Variants in GRID2 observed in about 807,000 individuals in gnomAD.
GRID2 encodes glutamate ionotropic receptor delta type subunit 2, also known as glutamate receptor ionotropic, delta-2.
A neutral mutation model predicts 114.8 loss-of-function variants in GRID2; 33 were observed. The ratio of observed to expected loss-of-function variants is 0.29; its 90% confidence interval spans 0.22 to 0.38. The LOEUF (loss-of-function observed/expected upper bound fraction) is 0.38. Among genes scored for constraint, GRID2 ranks in the 10% least tolerant of loss-of-function variants. The probability of loss-of-function intolerance (pLI) is 1.00; values close to 1 mark genes in which losing one functional copy is unlikely to be tolerated. For synonymous variants in GRID2, 505 were observed against 449.9 expected (o/e 1.12, Z -1.55); for missense variants, 1,184 against 1,257.7 (o/e 0.94, Z 0.89).
At chr4:93,605,153 A>T (rs922427479) in intron 13 of GRID2, among the ~76,000 whole-genome samples, 1 of 152,212 alleles carries the variant, frequency 6.6e-6, no homozygotes, top group Non-Finnish European at 1.5e-5. Flanking sequence ...AGGAACAAAT[A>T]TCTTCAAATT....
chr4:92,776,214 T>C (rs986453652), intron 2 of GRID2, among the ~76,000 whole-genome samples: 1 of 152,060 alleles, frequency 6.6e-6, no homozygotes, highest in Non-Finnish European at 1.5e-5. Flanking sequence ...AATAAATAAC[T>C]TTTGTGAAAT....
intron 2 of GRID2, among the ~76,000 whole-genome samples, chr4:92,671,687 A>G (rs1733078484): frequency 6.6e-6 from 1 of 152,126 alleles, no homozygotes; most frequent in Non-Finnish European, 1.5e-5. Flanking sequence ...AAAGTAGTCT[A>G]GGGAGGCAAA....
intron 1 of GRID2, among the ~76,000 whole-genome samples, chr4:92,342,734 A>G (rs1332933202): frequency 6.6e-6 from 1 of 152,232 alleles, no homozygotes; most frequent in Non-Finnish European, 1.5e-5. Flanking sequence ...GTCACTGTGA[A>G]GAAAAGCATA....
At chr4:92,807,527 A>C (rs1578217494) in intron 2 of GRID2, among the ~76,000 whole-genome samples, 1 of 152,040 alleles carries the variant, frequency 6.6e-6, no homozygotes, top group African/African-American at 2.4e-5. Flanking sequence ...TCTCAAATGA[A>C]GAATATGTGA....
At chr4:92,974,326 C>T (rs1460397582) in intron 2 of GRID2, among the ~76,000 whole-genome samples, 1 of 152,088 alleles carries the variant, frequency 6.6e-6, no homozygotes, top group Non-Finnish European at 1.5e-5. Flanking sequence ...ACCCAGCAAT[C>T]CCATTACTAG....
chr4:93,295,044 G>C (rs1000114522), intron 8 of GRID2, among the ~76,000 whole-genome samples: 1 of 152,140 alleles, frequency 6.6e-6, no homozygotes, highest in Non-Finnish European at 1.5e-5. Flanking sequence ...GAAGACTGAA[G>C]AAGATGAGAA....
chr4:93,551,735 C>A (rs953712303), intron 13 of GRID2, among the ~76,000 whole-genome samples: 3 of 152,064 alleles, frequency 2.0e-5, no homozygotes, highest in Non-Finnish European at 2.9e-5. Flanking sequence ...GTGGTTTTTG[C>A]CACTGAAAAT....
At chr4:93,467,086 A>G (rs1420536602) in intron 11 of GRID2, among the ~76,000 whole-genome samples, 1 of 152,232 alleles carries the variant, frequency 6.6e-6, no homozygotes, top group Non-Finnish European at 1.5e-5. Flanking sequence ...CCGGATCTGA[A>G]AACAAATTCT....
intron 13 of GRID2, among the ~76,000 whole-genome samples, chr4:93,578,585 G>GTTTTTTGT (rs1736642083): frequency 8.7e-6 from 1 of 115,256 alleles, no homozygotes; most frequent in Non-Finnish European, 1.8e-5. Flanking sequence ...CTTGTTTTTT[G>GTTTTTTGT]TATTTTTTTT....
intron 14 of GRID2, among the ~76,000 whole-genome samples, chr4:93,733,082 T>C (rs1730630686): frequency 6.6e-6 from 1 of 152,126 alleles, no homozygotes; most frequent in Non-Finnish European, 1.5e-5. Context: ...TCTTAAGAAT[T>C]TGATAATTTT....
intron 1 of GRID2, among the ~76,000 whole-genome samples, chr4:92,560,495 A>AT (rs1211761425): frequency 6.6e-6 from 1 of 152,166 alleles, no homozygotes; most frequent in Non-Finnish European, 1.5e-5. Flanking sequence ...TGAATATTAC[A>AT]TTGAGGATGA....
At chr4:92,842,761 C>A (rs913697130) in intron 2 of GRID2, among the ~76,000 whole-genome samples, 22 of 152,072 alleles carry the variant, frequency 1.4e-4, no homozygotes, top group Admixed American at 2.6e-4. Context: ...GCATGAGCCA[C>A]CATGCCAGGC....
chr4:93,541,654 G>T (rs1017193760), intron 13 of GRID2, among the ~76,000 whole-genome samples: 2 of 152,144 alleles, frequency 1.3e-5, no homozygotes, highest in Non-Finnish European at 2.9e-5. Flanking sequence ...AGCCTTGTGA[G>T]CTGTGTCTCA....
At chr4:92,977,236 G>A (rs1342284466) in intron 2 of GRID2, among the ~76,000 whole-genome samples, 3 of 152,142 alleles carry the variant, frequency 2.0e-5, no homozygotes, top group Non-Finnish European at 2.9e-5. Flanking sequence ...TTGTGGTGAT[G>A]CAGACCTACT....
rs532465099 is a variant in GRID2, at chr4:92,408,386, G to A, written c.88+103642G>A. ...TGAATTTAGGCAATGTGATGCCTTT[G>A]GCTTTGTGCTTTTTTTGCTTACAAT... On this transcript the variant is annotated intron_variant, in intron 1 of 15. Coordinates refer to ENST00000282020, the MANE Select transcript of GRID2 (RefSeq NM_001510.4). 3.9e-5 allele frequency among the ~76,000 whole-genome samples: 5 copies of A among 129,544 alleles called. No homozygotes were observed. The East Asian group carries it at 1.2e-3, about 31-fold the overall frequency. 85.0% of individuals were successfully genotyped at this position (129,544 alleles called of 152,430 possible). A position where few individuals can be genotyped will look rare whatever the true frequency, so the allele number is the denominator to read the frequency against.
rs138400224 is a variant in GRID2 at position 93,236,358 on chromosome 4, C to G, written c.1126-2013C>G. ...TTCTGCATGGCTCCCCAGGTTCTTT[C>G]TTCCCACACTGGAAATGCTGATTCG... On this transcript the variant is annotated intron_variant, in intron 7 of 15. Transcript: ENST00000282020. 3.7e-3 allele frequency among the ~76,000 whole-genome samples: 559 copies of G among 152,100 alleles called. 5 individuals are homozygous for G. The highest frequency in any genetic ancestry group is 0.013 in the African/African-American group (525 of 41,542).
intron 1 of GRID2, among the ~76,000 whole-genome samples, chr4:92,331,630 G>A (rs886463829): frequency 6.6e-6 from 1 of 152,086 alleles, no homozygotes; most frequent in Non-Finnish European, 1.5e-5. Context: ...CTCAATAGCT[G>A]ACACAATTTA....
At chr4:93,036,782 G>T (rs1250447751) in intron 2 of GRID2, among the ~76,000 whole-genome samples, 2 of 151,964 alleles carry the variant, frequency 1.3e-5, no homozygotes, top group Non-Finnish European at 2.9e-5. Context: ...ATTTGGTAGT[G>T]GTGTTACATT....
chr4:93,181,713 C>T (rs183084877), intron 4 of GRID2, among the ~76,000 whole-genome samples: 3 of 152,178 alleles, frequency 2.0e-5, no homozygotes, highest in Admixed American at 2.0e-4. Context: ...GAACCAGCCT[C>T]TACTAGCTTC....
Sources: gnomAD v4.1 joint callset for allele counts (sites outside exome capture counted in the v4.1 genomes callset) on GRCh38, gnomAD v4.1.1 for gene constraint, MANE v1.5 for transcripts, NCBI Gene and HGNC (gene_info 2026-07-23, HGNC 2026-07-21) for gene names.